Variants in CPNE4 observed in about 807,000 individuals in gnomAD.
The protein encoded by CPNE4 is copine 4.
In CPNE4, 25 loss-of-function variants were observed where a neutral mutation model predicts 67.9. The observed-to-expected ratio is 0.37, with a 90% confidence interval of 0.27 to 0.51. The LOEUF is 0.51. Among genes scored for constraint, CPNE4 ranks in the 20% least tolerant of loss-of-function variants. CPNE4 has a pLI of 0.93. For synonymous variants in CPNE4, 242 were observed against 244.9 expected (o/e 0.99, Z 0.11); for missense variants, 464 against 690.8 (o/e 0.67, Z 3.68).
intron 2 of CPNE4, among the ~76,000 whole-genome samples, chr3:131,893,230 A>G (rs1169163872): frequency 2.2e-5 from 3 of 136,702 alleles, no homozygotes; most frequent in Non-Finnish European, 4.6e-5. Flanking sequence ...AAAAAGAGAC[A>G]AAGAAGAGCG....
At chr3:131,574,940 A>G (rs899713096) in intron 10 of CPNE4, 131 bp downstream of exon 10, 6 of 720,422 alleles carry the variant, frequency 8.3e-6, no homozygotes, top group Admixed American at 2.1e-5. Flanking sequence ...ATACGCTTCA[A>G]CAATGAGACT....
At chr3:131,856,009 C>T (rs2086428300) in intron 2 of CPNE4, among the ~76,000 whole-genome samples, 1 of 151,900 alleles carries the variant, frequency 6.6e-6, no homozygotes, top group Non-Finnish European at 1.5e-5. Flanking sequence ...GAGATTTAAG[C>T]CAACAGGTAT....
At chr3:131,696,717 G>A (rs1040277425) in intron 4 of CPNE4, 101 bp from the exon 5 acceptor site, 1 of 1,041,218 alleles carries the variant, frequency 9.6e-7, no homozygotes, top group African/African-American at 1.6e-5. Context: ...ACTCAACAAA[G>A]ACAAATGTTG....
At chr3:131,966,399 C>T (rs2072346782) in intron 1 of CPNE4, among the ~76,000 whole-genome samples, 2 of 151,922 alleles carry the variant, frequency 1.3e-5, no homozygotes, top group Non-Finnish European at 2.9e-5. Flanking sequence ...GATAGAGACA[C>T]AAAAATCCCT....
At chr3:131,842,496 T>C (rs543916723) in intron 2 of CPNE4, among the ~76,000 whole-genome samples, 9 of 152,220 alleles carry the variant, frequency 5.9e-5, no homozygotes, top group African/African-American at 1.9e-4. Context: ...GATAACATAC[T>C]GGAAAGAGGA....
At chr3:131,844,590 C>T (rs1257327488) in intron 2 of CPNE4, among the ~76,000 whole-genome samples, 2 of 152,138 alleles carry the variant, frequency 1.3e-5, no homozygotes, top group Non-Finnish European at 1.5e-5. Flanking sequence ...GTTTTCCTCA[C>T]TTCTTTCAAG....
At chr3:131,938,431 A>C (rs1243305488) in intron 1 of CPNE4, among the ~76,000 whole-genome samples, 1 of 152,114 alleles carries the variant, frequency 6.6e-6, no homozygotes, top group Non-Finnish European at 1.5e-5. Context: ...AGGGAGACTT[A>C]ATATAATAAA....
intron 7 of CPNE4, among the ~76,000 whole-genome samples, chr3:131,617,895 T>G (rs555452235): frequency 6.6e-6 from 1 of 152,318 alleles, no homozygotes; most frequent in South Asian, 2.1e-4. Flanking sequence ...CAATATTAAC[T>G]CACCATCAGT....
At chr3:131,579,368 T>A (rs1368343265) in intron 9 of CPNE4, among the ~76,000 whole-genome samples, 1 of 152,234 alleles carries the variant, frequency 6.6e-6, no homozygotes, top group Non-Finnish European at 1.5e-5. Flanking sequence ...CTGATGGAGA[T>A]GTGCAAGGGG....
intron 1 of CPNE4, among the ~76,000 whole-genome samples, chr3:131,967,594 G>A (rs899875986): frequency 1.1e-4 from 17 of 151,940 alleles, no homozygotes; most frequent in African/African-American, 4.1e-4. Flanking sequence ...CAAACACAGA[G>A]ACAAATCATG....
intron 2 of CPNE4, among the ~76,000 whole-genome samples, chr3:131,843,161 G>A (rs921402952): frequency 6.6e-6 from 1 of 152,158 alleles, no homozygotes; most frequent in African/African-American, 2.4e-5. Context: ...GAAAAAACAA[G>A]TCTTATCCCT....
At chr3:131,702,290 A>G (rs1043867476) in intron 3 of CPNE4, among the ~76,000 whole-genome samples, 4 of 152,154 alleles carry the variant, frequency 2.6e-5, no homozygotes, top group Admixed American at 2.0e-4. Context: ...TCATTCTACA[A>G]ATATTTATTT....
At chr3:131,822,995 C>T (rs1430081309) in intron 2 of CPNE4, among the ~76,000 whole-genome samples, 1 of 152,060 alleles carries the variant, frequency 6.6e-6, no homozygotes, top group Non-Finnish European at 1.5e-5. Flanking sequence ...TGTGCCACCA[C>T]ACCCAGCTAA....
At chr3:131,831,391 T>C (rs2085363576) in intron 2 of CPNE4, among the ~76,000 whole-genome samples, 1 of 152,154 alleles carries the variant, frequency 6.6e-6, no homozygotes, top group South Asian at 2.1e-4. Context: ...TTTCTTTAAA[T>C]TGACACATTA....
intron 2 of CPNE4, among the ~76,000 whole-genome samples, chr3:131,835,303 C>A (rs562344886): frequency 7.9e-5 from 12 of 152,202 alleles, no homozygotes; most frequent in African/African-American, 2.9e-4. Flanking sequence ...CCAAGGTGGG[C>A]AGATCAGCTG....
At chr3:131,926,758 A>G (rs1165225485) in intron 1 of CPNE4, among the ~76,000 whole-genome samples, 3 of 152,178 alleles carry the variant, frequency 2.0e-5, no homozygotes, top group Non-Finnish European at 4.4e-5. Context: ...TGAGTGAGAA[A>G]TGTTCCATTT....
intron 7 of CPNE4, among the ~76,000 whole-genome samples, chr3:131,634,823 A>G (rs1052499149): frequency 2.6e-5 from 4 of 152,198 alleles, no homozygotes; most frequent in Non-Finnish European, 5.9e-5. Context: ...ATAAGCTGAA[A>G]TCATCCTAAG....
intron 14 of CPNE4, among the ~76,000 whole-genome samples, chr3:131,548,597 G>C (rs761169477): frequency 3.3e-5 from 5 of 152,068 alleles, no homozygotes; most frequent in Non-Finnish European, 5.9e-5. Flanking sequence ...GTTTGGGTGA[G>C]AGAAACCCTG....
chr3:131,679,721 T>TA (rs1490832605), intron 6 of CPNE4, among the ~76,000 whole-genome samples: 4 of 152,126 alleles, frequency 2.6e-5, no homozygotes, highest in Non-Finnish European at 4.4e-5. Context: ...ATTCAATTTT[T>TA]ATGTAATTGT....
Sources: allele counts gnomAD v4.1 joint callset (sites outside exome capture counted in the v4.1 genomes callset), GRCh38; gene constraint gnomAD v4.1.1; transcripts MANE v1.5; gene names NCBI Gene and HGNC (gene_info 2026-07-23, HGNC 2026-07-21).